Variants in MYO18B observed in about 807,000 individuals in gnomAD.
MYO18B encodes the protein unconventional myosin-XVIIIb.
In MYO18B, 204 loss-of-function variants were observed where a neutral mutation model predicts 273.0. The ratio of observed to expected loss-of-function variants is 0.75; its 90% CI spans 0.67 to 0.84. The LOEUF is 0.84. Ranked by LOEUF, MYO18B falls within the 40% of genes least tolerant of loss-of-function variation. The pLI, the probability that MYO18B is intolerant of heterozygous loss-of-function variation, is 0.00. For missense variants in MYO18B, 3,212 were observed against 3,287.6 expected (o/e 0.98, Z 0.56); for synonymous variants, 1,330 against 1,305.7 (o/e 1.02, Z -0.40).
rs1389377703 is a variant in MYO18B at position 25,877,966 on chromosome 22, T to A, written c.4232T>A (p.Leu1411His). 1 of 1,573,138 alleles carries A rather than the reference T, an allele frequency of 6.4e-7. No individual in the cohort carries two copies. Among genetic ancestry groups the A allele is most frequent in the South Asian group, 1.2e-5 (1 of 85,240 alleles). The change falls in exon 25 of 44, where the codon CTT (leucine) becomes CAT (histidine). Residue 1411 changes from leucine (L) to histidine (H), a missense_variant. Coordinates refer to ENST00000335473, the MANE Select transcript of MYO18B (RefSeq NM_032608.7). ...TEQLRAKEEE[L>H]TTLRRKLEKS... ...ATGTGTTTGTTTTTGTAGGAGGAGC[T>A]TACAACGCTAAGACGGAAGCTAGAA...
chr22:26,035,011 A>G (rs909079489), downstream of MYO18B, among the ~76,000 whole-genome samples: 2 of 152,190 alleles, frequency 1.3e-5, no homozygotes, highest in African/African-American at 4.8e-5. Context: ...ATACTTGGAA[A>G]TACATACATT....
chr22:25,828,378 T>A (rs2089571441), intron 14 of MYO18B, among the ~76,000 whole-genome samples: 1 of 152,216 alleles, frequency 6.6e-6, no homozygotes, highest in Non-Finnish European at 1.5e-5. Context: ...AAGGAGGTGA[T>A]AGCTTGAAAG....
chr22:25,988,429 G>A (rs1308427490), intron 39 of MYO18B, among the ~76,000 whole-genome samples: 1 of 152,048 alleles, frequency 6.6e-6, no homozygotes, highest in East Asian at 1.9e-4. Flanking sequence ...GCGGCAAGGG[G>A]GCAATGGTGG....
At chr22:25,979,444 G>A (rs895815495) in intron 39 of MYO18B, among the ~76,000 whole-genome samples, 6 of 152,122 alleles carry the variant, frequency 3.9e-5, no homozygotes, top group Non-Finnish European at 5.9e-5. Context: ...TTTATTCAGA[G>A]AGCAACTGGG....
the MYO18B span, among the ~76,000 whole-genome samples, chr22:26,041,380 A>G: frequency 6.7e-6 from 1 of 149,554 alleles, no homozygotes; most frequent in Non-Finnish European, 1.5e-5. Flanking sequence ...AAACAAAACT[A>G]GAAAAATTAG....
At chr22:25,836,419 A>G (rs2089902798) in intron 17 of MYO18B, among the ~76,000 whole-genome samples, 1 of 152,128 alleles carries the variant, frequency 6.6e-6, no homozygotes, top group Non-Finnish European at 1.5e-5. Context: ...GCTGATGGTG[A>G]TGGAGAACAT....
the MYO18B span, among the ~76,000 whole-genome samples, chr22:26,039,701 G>A: frequency 6.6e-6 from 1 of 152,242 alleles, no homozygotes; most frequent in East Asian, 1.9e-4. Flanking sequence ...AAGTTCGTTA[G>A]TGGTGATTTC....
chr22:25,837,337 T>C (rs695251), intron 17 of MYO18B, among the ~76,000 whole-genome samples: 130,672 of 152,098 alleles, frequency 0.86, 56,394 homozygotes, highest in East Asian at 1. Context: ...CACAGGAGAC[T>C]GAGGTGTGGC....
chr22:25,768,971 A>G lies in MYO18B; in HGVS notation c.1055A>G (p.Gln352Arg), dbSNP rs370279668. ...AAGGCAGAGAAGACAGGTGAGCCTC[A>G]GACCCAGATGGAGAAGACAAGCCAA... The part of the protein sequence containing the change: ...LSKAEKTGEP[Q>R]TQMEKTSQVQ... Residue 352 changes from glutamine (Q) to arginine (R), a missense_variant, in exon 4 of 44, where the codon CAG (glutamine) becomes CGG (arginine). Gln to Arg is a conservative substitution (Grantham distance 43, BLOSUM62 1). Transcript: ENST00000335473. 3.7e-6 allele frequency: 6 copies of G among 1,611,346 alleles called. No homozygotes were observed. In the African/African-American group the frequency reaches 8.0e-5, roughly 22 times the overall value.
intron 40 of MYO18B, among the ~76,000 whole-genome samples, chr22:25,995,204 A>G (rs1420469047): frequency 6.6e-6 from 1 of 152,234 alleles, no homozygotes; most frequent in Non-Finnish European, 1.5e-5. Flanking sequence ...GAAACATCGC[A>G]TATTCTCACT....
chr22:25,856,063 A>G (rs1161168071), intron 21 of MYO18B, among the ~76,000 whole-genome samples: 1 of 152,192 alleles, frequency 6.6e-6, no homozygotes, highest in Admixed American at 6.5e-5. Context: ...CAGAAGTGGA[A>G]TAGCTGGATC....
chr22:25,895,426 A>T, intron 28 of MYO18B, 146 bp downstream of exon 28: 14 of 892,088 alleles, frequency 1.6e-5, no homozygotes, highest in Non-Finnish European at 2.3e-5. Context: ...CTCCACTATT[A>T]TTACAAATGC....
At chr22:26,056,868 C>T in the MYO18B span, among the ~76,000 whole-genome samples, 5 of 152,326 alleles carry the variant, frequency 3.3e-5, no homozygotes, top group South Asian at 1.0e-3. Flanking sequence ...CGAGCGCTCA[C>T]TGCTACATAA....
At chr22:26,035,675 T>C (rs1936764440), downstream of MYO18B, among the ~76,000 whole-genome samples, 1 of 152,222 alleles carries the variant, frequency 6.6e-6, no homozygotes, top group Admixed American at 6.5e-5. Flanking sequence ...CAACAAATGT[T>C]GCTCCAGAAG....
chr22:26,007,212 C>T (rs1307633993), intron 42 of MYO18B, among the ~76,000 whole-genome samples: 1 of 152,170 alleles, frequency 6.6e-6, no homozygotes, highest in Non-Finnish European at 1.5e-5. Context: ...CCAGGGCTGG[C>T]TCACAGTTGG....
intron 29 of MYO18B, chr22:25,899,805 A>ACTGATGGTTCAGATGAGTGC (rs1438062192): frequency 6.6e-6 from 1 of 152,208 alleles, no homozygotes; most frequent in East Asian, 1.9e-4. Context: ...CCAGAGAGTG[A>ACTGATGGTTCAGATGAGTGC]CTGATGGTTC....
chr22:25,989,560 A>C (rs2093238583), intron 39 of MYO18B, among the ~76,000 whole-genome samples: 1 of 146,946 alleles, frequency 6.8e-6, no homozygotes, highest in Non-Finnish European at 1.5e-5. Flanking sequence ...AGGCGGGTGG[A>C]TCACGAGGTC....
At chr22:25,985,295 C>T (rs986430765) in intron 39 of MYO18B, among the ~76,000 whole-genome samples, 5 of 151,860 alleles carry the variant, frequency 3.3e-5, no homozygotes, top group South Asian at 2.1e-4. Context: ...TGGGAGGCAG[C>T]GGTTGCAGTG....
intron 12 of MYO18B, among the ~76,000 whole-genome samples, chr22:25,800,708 C>A (rs569961188): frequency 2.0e-5 from 3 of 152,326 alleles, no homozygotes; most frequent in African/African-American, 7.2e-5. Context: ...AAGGGGGAGC[C>A]CCCTGGCTTA....
Sources: allele counts gnomAD v4.1 joint callset (sites outside exome capture counted in the v4.1 genomes callset), GRCh38; gene constraint gnomAD v4.1.1; transcripts MANE v1.5; gene names NCBI Gene and HGNC (gene_info 2026-07-23, HGNC 2026-07-21).